Variants in TRMT9B observed in about 807,000 individuals in gnomAD.
TRMT9B encodes the protein probable tRNA methyltransferase 9B.
TRMT9B carries 16 observed loss-of-function variants against 11.5 expected under a neutral mutation model. The observed-to-expected ratio is 1.39, with a 90% CI of 0.94 to 2.11. The LOEUF (loss-of-function observed/expected upper bound fraction) is 2.11. Among genes scored for constraint, TRMT9B ranks in the 30% most tolerant of loss-of-function variants. The pLI is 0.00. For missense variants in TRMT9B, 941 were observed against 553.8 expected, an observed-to-expected ratio of 1.70 and a Z score of -7.02; for synonymous variants, 274 against 192.4, an observed-to-expected ratio of 1.42 and a Z score of -3.51.
chr8:12,950,010 G>A (rs887414843), intron 1 of TRMT9B, among the ~76,000 whole-genome samples: 2 of 151,984 alleles, frequency 1.3e-5, no homozygotes, highest in Non-Finnish European at 2.9e-5. Flanking sequence ...GCACCACCAC[G>A]CCCAGCTAAT....
chr8:13,013,084 G>C (rs1049936180), intron 4 of TRMT9B, among the ~76,000 whole-genome samples: 5 of 152,146 alleles, frequency 3.3e-5, no homozygotes, highest in African/African-American at 1.2e-4. Context: ...TGGTATTGCA[G>C]TTTTTTTATG....
In TRMT9B at chr8:13,024,908, T is replaced by C. The variant is rs1814508087; in HGVS notation, c.*2864T>C. 1 of 167,064 alleles carries C rather than the reference T, an allele frequency of 6.0e-6. No homozygotes were observed. Among genetic ancestry groups the C allele is most frequent in the African/African-American group, 2.4e-5 (1 of 41,442 alleles). 10.3% of individuals were successfully genotyped at this position (167,064 alleles called of 1,614,324 possible). ...AAATTTAACTTCCGCCTTTGGATTT[T>C]TTTTAAAAAGCCATTGAAGAGCAAA... On this transcript the variant is annotated 3_prime_UTR_variant, in exon 5 of 5. Coordinates refer to ENST00000524591, the MANE Select transcript of TRMT9B (RefSeq NM_020844.3).
chr8:12,996,755 A>G (rs189119904), intron 2 of TRMT9B, among the ~76,000 whole-genome samples: 1 of 152,292 alleles, frequency 6.6e-6, no homozygotes, highest in African/African-American at 2.4e-5. Context: ...GTACAAATAA[A>G]TGAATGAATT....
chr8:12,985,447 G>C (rs1321676174), intron 1 of TRMT9B, among the ~76,000 whole-genome samples: 1 of 152,190 alleles, frequency 6.6e-6, no homozygotes. Flanking sequence ...GTTGGAACCA[G>C]AGTCAAAGTG....
In TRMT9B at chr8:12,990,852, A is replaced by T. The variant is rs1490115165; in HGVS notation, c.-181A>T. 2 of 1,289,384 alleles carry T rather than the reference A, an allele frequency of 1.6e-6. No individual in the cohort carries two copies. The highest frequency in any genetic ancestry group is 1.5e-5 in the African/African-American group (1 of 65,854). 79.9% of individuals were successfully genotyped at this position (1,289,384 alleles called of 1,614,324 possible). On this transcript the variant is annotated 5_prime_UTR_variant, in exon 2 of 5. Coordinates refer to ENST00000524591, the MANE Select transcript of TRMT9B (RefSeq NM_020844.3). ...CTGATAGGGCCTGTGCTTCCTTCAG[A>T]GACTCACACAAGAGGTTTATCATGA...
chr8:13,002,013 T>C (rs1809533078), intron 2 of TRMT9B, among the ~76,000 whole-genome samples: 1 of 152,190 alleles, frequency 6.6e-6, no homozygotes. Context: ...GAAATTTAAA[T>C]CCGCAGCATT....
intron 3 of TRMT9B, 72 bp downstream of exon 3, chr8:13,006,428 C>A (rs1224405198): frequency 1.3e-6 from 2 of 1,539,868 alleles, no homozygotes; most frequent in African/African-American, 1.4e-5. Flanking sequence ...ACCAGGCAGC[C>A]TCATCGCTGA....
At chr8:13,018,983 G>A (rs576155097) in intron 4 of TRMT9B, among the ~76,000 whole-genome samples, 10 of 151,276 alleles carry the variant, frequency 6.6e-5, no homozygotes, top group African/African-American at 2.5e-4. Context: ...GTTGAAATAA[G>A]AAGAAAGAAC....
chr8:12,978,544 A>T (rs1428467160), intron 1 of TRMT9B, among the ~76,000 whole-genome samples: 1 of 150,294 alleles, frequency 6.7e-6, no homozygotes, highest in African/African-American at 2.4e-5. Flanking sequence ...AGATAGATAG[A>T]TAGATAGATA....
intron 1 of TRMT9B, among the ~76,000 whole-genome samples, chr8:12,955,960 T>G (rs1270140949): frequency 1.3e-5 from 2 of 152,162 alleles, no homozygotes; most frequent in Non-Finnish European, 2.9e-5. Flanking sequence ...TGGGCTGTGT[T>G]CCATTGATCA....
At chr8:13,016,538 A>G (rs937224950) in intron 4 of TRMT9B, among the ~76,000 whole-genome samples, 6 of 151,744 alleles carry the variant, frequency 4.0e-5, no homozygotes, top group Non-Finnish European at 7.4e-5. Flanking sequence ...AAGTATATAT[A>G]TATTTGCTTT....
intron 3 of TRMT9B, chr8:13,010,942 A>G: frequency 1.1e-6 from 1 of 907,484 alleles, no homozygotes; most frequent in Non-Finnish European, 1.3e-6. Context: ...TCATAGAAAT[A>G]ATATGGTCAC....
rs368449012 is a variant in TRMT9B, at chr8:13,021,602, A to G, written c.923A>G (p.Asp308Gly). 1.2e-6 allele frequency: 2 copies of G among 1,613,952 alleles called. No homozygotes were observed. Among genetic ancestry groups the G allele is most frequent in the South Asian group, 1.1e-5 (1 of 91,074 alleles). ...EPFSTKGQSL[D>G]EEVFVESSSG... ...TTTTCAACAAAAGGGCAAAGTTTAG[A>G]TGAGGAAGTGTTTGTGGAATCTTCT... The change falls in exon 5 of 5, where the codon GAT becomes GGT. Residue 308 changes from aspartate (D) to glycine (G), a missense_variant. Transcript: ENST00000524591.
chr8:13,013,743 G>A (rs1381564774), intron 4 of TRMT9B, among the ~76,000 whole-genome samples: 1 of 152,136 alleles, frequency 6.6e-6, no homozygotes, highest in African/African-American at 2.4e-5. Flanking sequence ...AGGAGGTCAG[G>A]AGATCGAGAC....
intron 4 of TRMT9B, 71 bp from the exon 5 acceptor site, chr8:13,020,936 TA>T: frequency 9.9e-7 from 1 of 1,005,994 alleles, no homozygotes; most frequent in Non-Finnish European, 1.4e-6. Context: ...TGTTATATGG[TA>T]AACACCAGTG....
intron 1 of TRMT9B, among the ~76,000 whole-genome samples, chr8:12,962,980 T>A (rs945660826): frequency 6.6e-6 from 1 of 152,186 alleles, no homozygotes; most frequent in African/African-American, 2.4e-5. Flanking sequence ...TGTAGCCACA[T>A]GATTTGGGGG....
intron 1 of TRMT9B, among the ~76,000 whole-genome samples, chr8:12,949,768 C>G (rs1260323345): frequency 6.6e-6 from 1 of 152,152 alleles, no homozygotes; most frequent in Non-Finnish European, 1.5e-5. Flanking sequence ...GGCCTATTAC[C>G]TACAAAAGGT....
chr8:12,995,732 G>A lies in TRMT9B; in HGVS notation c.-2+4701G>A, dbSNP rs1156268907. 5.3e-5 allele frequency among the ~76,000 whole-genome samples: 8 copies of A among 151,988 alleles called. No individual in the cohort carries two copies. The South Asian group carries it at 6.2e-4, about 12-fold the overall frequency. On this transcript the variant is annotated intron_variant, in intron 2 of 4. Transcript: ENST00000524591. ...TTCATCTATTAGTTGTGTGTGTTTC[G>A]GGAGATTAACCATCCAGATACCAAT...
At chr8:12,996,482 T>C (rs1378753051) in intron 2 of TRMT9B, among the ~76,000 whole-genome samples, 4 of 152,208 alleles carry the variant, frequency 2.6e-5, no homozygotes, top group African/African-American at 7.2e-5. Flanking sequence ...GTATATACTA[T>C]GACATAATCT....
Sources: gnomAD v4.1 joint callset for allele counts (sites outside exome capture counted in the v4.1 genomes callset) on GRCh38, gnomAD v4.1.1 for gene constraint, MANE v1.5 for transcripts, NCBI Gene and HGNC (gene_info 2026-07-23, HGNC 2026-07-21) for gene names.